The following PACRG variants were observed in gnomAD, a reference collection of about 807,000 sequenced individuals.
PACRG encodes the protein parkin coregulated, also known as parkin coregulated gene protein.
PACRG carries 29 observed loss-of-function variants against 29.7 expected under a neutral mutation model. That is an observed-to-expected ratio of 0.98 (90% CI 0.73 to 1.33). The LOEUF is 1.33. Among genes scored for constraint, PACRG ranks in the 40% most tolerant of loss-of-function variants. PACRG has a pLI of 0.00. For missense variants in PACRG, 279 were observed against 316.2 expected, an observed-to-expected ratio of 0.88 and a Z score of 0.89; for synonymous variants, 116 against 118.7, an observed-to-expected ratio of 0.98 and a Z score of 0.15.
chr6:163,185,288 T>C (rs1585310193), intron 4 of PACRG, among the ~76,000 whole-genome samples: 1 of 152,138 alleles, frequency 6.6e-6, no homozygotes, highest in African/African-American at 2.4e-5. Context: ...TGGATTGTAG[T>C]AGAAAATTAA....
chr6:162,852,493 G>A (rs189696267), intron 2 of PACRG, among the ~76,000 whole-genome samples: 1 of 152,310 alleles, frequency 6.6e-6, no homozygotes, highest in East Asian at 1.9e-4. Context: ...ACCCTGGCAG[G>A]TAGAGACCAC....
At chr6:163,195,156 C>A (rs1237736964) in intron 4 of PACRG, among the ~76,000 whole-genome samples, 1 of 152,194 alleles carries the variant, frequency 6.6e-6, no homozygotes, top group African/African-American at 2.4e-5. Context: ...GCCTCTTTAT[C>A]CCCCCATAAC....
chr6:163,039,424 G>A (rs145975289), intron 2 of PACRG, among the ~76,000 whole-genome samples: 5 of 152,332 alleles, frequency 3.3e-5, no homozygotes, highest in Admixed American at 3.3e-4. Flanking sequence ...AAATATGGAA[G>A]TGACTTTGGA....
chr6:163,092,607 G>A (rs1259921125), intron 4 of PACRG, among the ~76,000 whole-genome samples: 2 of 152,146 alleles, frequency 1.3e-5, no homozygotes, highest in Admixed American at 6.5e-5. Flanking sequence ...AGCCAGAAAA[G>A]CTGTGACCTC....
chr6:162,740,964 T>G (rs1780546948), intron 1 of PACRG, among the ~76,000 whole-genome samples: 1 of 152,200 alleles, frequency 6.6e-6, no homozygotes, highest in Non-Finnish European at 1.5e-5. Context: ...GTATTGAATT[T>G]TATCAGACAC....
chr6:162,778,999 C>T (rs975303585), intron 1 of PACRG, among the ~76,000 whole-genome samples: 1 of 152,150 alleles, frequency 6.6e-6, no homozygotes, highest in African/African-American at 2.4e-5. Context: ...AGTTCAGCAC[C>T]CATTAGCGGT....
chr6:162,858,711 G>A (rs772315485), intron 2 of PACRG, among the ~76,000 whole-genome samples: 43 of 152,072 alleles, frequency 2.8e-4, no homozygotes, highest in Non-Finnish European at 5.1e-4. Flanking sequence ...TGCTCCAATC[G>A]GTACAAACTG....
chr6:163,040,726 G>C (rs1202319981), intron 2 of PACRG, among the ~76,000 whole-genome samples: 1 of 152,170 alleles, frequency 6.6e-6, no homozygotes, highest in Middle Eastern at 3.2e-3. Flanking sequence ...GGGGCCTGTG[G>C]CTCCTTTGTT....
chr6:163,102,647 T>G (rs747929683), intron 4 of PACRG, among the ~76,000 whole-genome samples: 8 of 152,180 alleles, frequency 5.3e-5, no homozygotes, highest in Non-Finnish European at 1.2e-4. Flanking sequence ...GATATGTATA[T>G]CTTGCTTATA....
chr6:162,837,205 A>G (rs1409280015), intron 2 of PACRG, among the ~76,000 whole-genome samples: 1 of 152,138 alleles, frequency 6.6e-6, no homozygotes, highest in Non-Finnish European at 1.5e-5. Context: ...GATGATAAAG[A>G]AGGAAATTAG....
chr6:162,994,756 C>G (rs1348757996), intron 2 of PACRG, among the ~76,000 whole-genome samples: 1 of 150,156 alleles, frequency 6.7e-6, no homozygotes, highest in East Asian at 2.0e-4. Flanking sequence ...AAGTCATTCT[C>G]CATCCAGCTT....
At chr6:163,005,551 A>G (rs1253956516) in intron 2 of PACRG, among the ~76,000 whole-genome samples, 1 of 151,792 alleles carries the variant, frequency 6.6e-6, no homozygotes, top group Non-Finnish European at 1.5e-5. Flanking sequence ...TCTTTGACAC[A>G]TGGGTTTTGT....
rs555548051 is a variant in PACRG, at chr6:162,798,358, C to T, written c.157-15789C>T. ...CAAACAAGAAACAAATGTTGTCCCT[C>T]ATGAGTTCTCCCTCACCAGAAATAC... On this transcript the variant is annotated intron_variant, in intron 1 of 4. Coordinates refer to ENST00000366888, the MANE Select transcript of PACRG (RefSeq NM_001080379.2). Among the ~76,000 whole-genome samples the T allele has an allele frequency of 3.9e-5, 6 of 152,286 alleles. No homozygotes were observed. In the South Asian group the frequency reaches 1.2e-3, roughly 32 times the overall value.
At chr6:163,305,779 A>AT (rs1585415942) in intron 4 of PACRG, among the ~76,000 whole-genome samples, 2 of 152,246 alleles carry the variant, frequency 1.3e-5, no homozygotes, top group South Asian at 2.1e-4. Flanking sequence ...AAAAAGTGAT[A>AT]TTTTTTATCA....
chr6:162,986,838 C>G (rs2128179320), intron 2 of PACRG, among the ~76,000 whole-genome samples: 1 of 152,034 alleles, frequency 6.6e-6, no homozygotes, highest in Middle Eastern at 3.4e-3. Flanking sequence ...TTTCATATTT[C>G]TTTAAGTGTG....
chr6:163,147,324 T>C (rs1484171697), intron 4 of PACRG, among the ~76,000 whole-genome samples: 2 of 152,208 alleles, frequency 1.3e-5, no homozygotes, highest in Non-Finnish European at 2.9e-5. Flanking sequence ...AATGTAGCAT[T>C]CTTATAGGAT....
intron 4 of PACRG, among the ~76,000 whole-genome samples, chr6:163,301,796 A>G (rs1785012882): frequency 1.3e-5 from 2 of 152,358 alleles, no homozygotes; most frequent in Middle Eastern, 3.4e-3. Flanking sequence ...ATTTATCAAC[A>G]GCACGTTAAA....
intron 1 of PACRG, among the ~76,000 whole-genome samples, chr6:162,735,679 A>G (rs191995394): frequency 6.6e-6 from 1 of 152,164 alleles, no homozygotes; most frequent in Non-Finnish European, 1.5e-5. Context: ...TTGCAACTAC[A>G]GTTACCCACT....
intron 4 of PACRG, among the ~76,000 whole-genome samples, chr6:163,276,381 T>C (rs79006643): frequency 6.8e-4 from 104 of 152,300 alleles, no homozygotes; most frequent in African/African-American, 2.4e-3. Flanking sequence ...TATCCAATAA[T>C]TGGCATTTTC....
Sources: allele counts gnomAD v4.1 joint callset (sites outside exome capture counted in the v4.1 genomes callset), GRCh38; gene constraint gnomAD v4.1.1; transcripts MANE v1.5; gene names NCBI Gene and HGNC (gene_info 2026-07-23, HGNC 2026-07-21).